ZFHX3: variants seen among roughly 807,000 people sequenced by gnomAD.
ZFHX3 encodes zinc finger homeobox protein 3.
ZFHX3 carries 42 observed loss-of-function variants against 279.1 expected under a neutral mutation model. The observed-to-expected ratio is 0.15, with a 90% CI of 0.12 to 0.19. The LOEUF is 0.19. ZFHX3 is among the 10% of genes least tolerant of loss of function. The probability of loss-of-function intolerance (pLI) is 1.00; values close to 1 mark genes in which losing one functional copy is unlikely to be tolerated. For synonymous variants in ZFHX3, 2,293 were observed against 1,957.8 expected (o/e 1.17, Z -4.52); for missense variants, 4,981 against 4,754.0 (o/e 1.05, Z -1.40).
chr16:73,814,043 C>A (rs1269975576), intron 1 of ZFHX3, among the ~76,000 whole-genome samples: 1 of 152,222 alleles, frequency 6.6e-6, no homozygotes, highest in Non-Finnish European at 1.5e-5. Flanking sequence ...ATGTAGGAAT[C>A]TGTTGGCCCA....
At position 73,573,868 on chromosome 16, in the gene ZFHX3, G is replaced by T. The variant is rs563224524; in HGVS notation, c.-1547+106312C>A. On this transcript the variant is annotated intron_variant, in intron 2 of 17. Transcript: ENST00000641206. ...GTGTGCATATTTACATAAAATTTACGTATAGCTTTATATCTCCATTTTCTC... is the reference window on the plus strand; with the variant it reads ...GTGTGCATATTTACATAAAATTTACTTATAGCTTTATATCTCCATTTTCTC... Among the ~76,000 whole-genome samples, 698 of 152,122 alleles carry T rather than the reference G, an allele frequency of 4.6e-3. 8 individuals carry two copies. The highest frequency in any genetic ancestry group is 7.6e-3 in the Non-Finnish European group (518 of 67,988).
At chr16:73,224,122 T>G (rs1204118634) in intron 5 of ZFHX3, among the ~76,000 whole-genome samples, 1 of 152,168 alleles carries the variant, frequency 6.6e-6, no homozygotes, top group African/African-American at 2.4e-5. Context: ...TATAAATTTG[T>G]CCAAACCCAT....
intron 3 of ZFHX3, among the ~76,000 whole-genome samples, chr16:73,408,881 C>T (rs973292974): frequency 1.2e-4 from 19 of 152,192 alleles, no homozygotes; most frequent in Non-Finnish European, 1.6e-4. Context: ...AAGTTGTCCT[C>T]ATCTTCCAGA....
chr16:73,456,642 T>G (rs1047316403), intron 2 of ZFHX3, among the ~76,000 whole-genome samples: 2 of 152,232 alleles, frequency 1.3e-5, no homozygotes, highest in African/African-American at 4.8e-5. Context: ...TTCTCTCTTC[T>G]GTTTCAGTTC....
chr16:73,678,371 T>C (rs953543365), intron 2 of ZFHX3, among the ~76,000 whole-genome samples: 2 of 152,112 alleles, frequency 1.3e-5, no homozygotes, highest in African/African-American at 4.8e-5. Context: ...CTAATTACAG[T>C]GGGTAAAAAT....
intron 1 of ZFHX3, among the ~76,000 whole-genome samples, chr16:73,735,091 T>TA (rs1156336874): frequency 2.0e-5 from 3 of 152,064 alleles, no homozygotes; most frequent in Non-Finnish European, 4.4e-5. Context: ...CCACGTTAGG[T>TA]ATACAGTTCA....
At chr16:73,677,276 C>G (rs923004473) in intron 2 of ZFHX3, among the ~76,000 whole-genome samples, 1 of 151,834 alleles carries the variant, frequency 6.6e-6, no homozygotes, top group Non-Finnish European at 1.5e-5. Flanking sequence ...TAAAATTACT[C>G]TTATAAAAGA....
At chr16:73,397,175 T>C (rs2017147792) in intron 3 of ZFHX3, among the ~76,000 whole-genome samples, 1 of 152,240 alleles carries the variant, frequency 6.6e-6, no homozygotes, top group Non-Finnish European at 1.5e-5. Flanking sequence ...AGACAGACAG[T>C]AAATACCAAA....
chr16:73,549,973 ACT>A (rs1400387540), intron 2 of ZFHX3, among the ~76,000 whole-genome samples: 6 of 150,728 alleles, frequency 4.0e-5, no homozygotes, highest in Non-Finnish European at 8.8e-5. Flanking sequence ...TCAGTGTCAG[ACT>A]CTATGTTTAG....
At chr16:73,684,695 C>CTTT (rs201167110) in intron 1 of ZFHX3, among the ~76,000 whole-genome samples, 2 of 137,498 alleles carry the variant, frequency 1.5e-5, no homozygotes, top group African/African-American at 2.9e-5. Flanking sequence ...CACAAGGGTC[C>CTTT]TTTTTTTTTT....
chr16:73,128,754 C>T (rs932374921), intron 7 of ZFHX3, among the ~76,000 whole-genome samples: 1 of 152,174 alleles, frequency 6.6e-6, no homozygotes, highest in Non-Finnish European at 1.5e-5. Flanking sequence ...TCCGCTTGTT[C>T]CCCAAATCCT....
At chr16:73,645,761 T>G (rs1169426323) in intron 2 of ZFHX3, among the ~76,000 whole-genome samples, 1 of 152,236 alleles carries the variant, frequency 6.6e-6, no homozygotes, top group Non-Finnish European at 1.5e-5. Flanking sequence ...TTGGTTTAAT[T>G]TCCTGGCTTG....
intron 5 of ZFHX3, among the ~76,000 whole-genome samples, chr16:73,148,357 A>G (rs1308532955): frequency 6.6e-6 from 1 of 152,224 alleles, no homozygotes; most frequent in Non-Finnish European, 1.5e-5. Flanking sequence ...TTCCCCAGGA[A>G]GCTGAACTCT....
chr16:72,826,630 T>G (rs574280237), intron 5 of ZFHX3, among the ~76,000 whole-genome samples: 1 of 152,208 alleles, frequency 6.6e-6, no homozygotes. Flanking sequence ...TCAGATACTA[T>G]AGACAAAATT....
At chr16:73,283,757 A>T (rs1356143630) in intron 4 of ZFHX3, among the ~76,000 whole-genome samples, 4 of 152,232 alleles carry the variant, frequency 2.6e-5, no homozygotes, top group Non-Finnish European at 5.9e-5. Flanking sequence ...CAGCCTGGGC[A>T]ACATAGTGAG....
In ZFHX3 at chr16:72,794,934, A is replaced by C; in HGVS notation, c.7748T>G (p.Leu2583Arg). ...PFMLFDPSNP[L>R]LASQLLSGAI... ...CCCAGAGAGCAGCTGGCTGGCCAGGAGTGGGTTACTGGGATCAAAGAGCAT... is the reference window on the plus strand; with the variant it reads ...CCCAGAGAGCAGCTGGCTGGCCAGGCGTGGGTTACTGGGATCAAAGAGCAT... Residue 2583 changes from leucine to arginine, a missense_variant, in exon 9 of 10, where the codon CTC becomes CGC. Around this residue, in one of 7 missense-constraint regions of ZFHX3, gnomAD observed 744 missense variants for 701.3 expected, o/e 1.06. Transcript: ENST00000268489. The surrounding 1 kb of genome is among the most constrained non-coding windows in gnomAD (Gnocchi z 4.2). 1 of 1,614,070 alleles carries C rather than the reference A, an allele frequency of 6.2e-7. No individual in the cohort carries two copies. Among genetic ancestry groups the C allele is most frequent in the Non-Finnish European group, 8.5e-7 (1 of 1,180,026 alleles).
intron 5 of ZFHX3, among the ~76,000 whole-genome samples, chr16:73,244,768 C>G (rs1258637052): frequency 4.6e-5 from 7 of 152,170 alleles, no homozygotes; most frequent in East Asian, 1.9e-4. Context: ...TTTGCACGGA[C>G]AGCAACCAGG....
chr16:72,926,746 G>A (rs1398700590), intron 3 of ZFHX3, among the ~76,000 whole-genome samples: 2 of 152,120 alleles, frequency 1.3e-5, no homozygotes, highest in East Asian at 1.9e-4. Flanking sequence ...GATGAGGGGC[G>A]ATTACATGCT....
intron 5 of ZFHX3, among the ~76,000 whole-genome samples, chr16:73,226,285 T>C (rs1388187792): frequency 6.6e-6 from 1 of 152,188 alleles, no homozygotes; most frequent in African/African-American, 2.4e-5. Flanking sequence ...GGGAGCTGGT[T>C]CCTGCAATAA....
Sources: allele counts gnomAD v4.1 joint callset (sites outside exome capture counted in the v4.1 genomes callset), GRCh38; gene constraint gnomAD v4.1.1; regional missense constraint gnomAD v4.1.1; non-coding constraint Gnocchi (gnomAD v3.1); transcripts MANE v1.5; gene names NCBI Gene and HGNC (gene_info 2026-07-23, HGNC 2026-07-21).